The following GLS variants were observed in gnomAD, a reference collection of about 807,000 sequenced individuals.
The protein encoded by GLS is glutaminase.
In GLS, 36 loss-of-function variants were observed where a neutral mutation model predicts 86.7. That is an observed-to-expected ratio of 0.42 (90% CI 0.32 to 0.55). The LOEUF is 0.55. GLS is among the 20% of genes least tolerant of loss of function. The pLI, the probability that GLS is intolerant of heterozygous loss-of-function variation, is 0.17. For synonymous variants in GLS, 317 were observed against 305.9 expected (o/e 1.04, Z -0.38); for missense variants, 528 against 833.4 (o/e 0.63, Z 4.51).
chr2:190,932,888 T>C (rs1167810474), intron 14 of GLS: 4 of 1,444,002 alleles, frequency 2.8e-6, no homozygotes, highest in Non-Finnish European at 3.7e-6. Context: ...TTTCAGAATG[T>C]TTCTTCATTT....
rs562645148 is a variant in GLS at position 190,907,948 on chromosome 2, G to A, written c.980-2315G>A. On this transcript the variant is annotated intron_variant, in intron 6 of 17. Coordinates refer to ENST00000320717, the MANE Select transcript of GLS (RefSeq NM_014905.5). Reference sequence around the variant, plus strand: ...CAAAATGTATGTGCTGATTATATGTGTGGAGGATTGAGAAAAAAGAGGAGT... The same window carrying A: ...CAAAATGTATGTGCTGATTATATGTATGGAGGATTGAGAAAAAAGAGGAGT... Among the ~76,000 whole-genome samples, 31 of 152,296 alleles carry A rather than the reference G, an allele frequency of 2.0e-4. 1 individual carries two copies. The highest frequency in any genetic ancestry group is 3.2e-4 in the Non-Finnish European group (22 of 68,014).
chr2:190,915,920 G>A (rs1303390024), intron 7 of GLS, among the ~76,000 whole-genome samples: 1 of 152,200 alleles, frequency 6.6e-6, no homozygotes, highest in African/African-American at 2.4e-5. Context: ...AGGAGCATTA[G>A]CATAATTTTT....
rs772852565 is a variant in GLS at position 190,953,316 on chromosome 2, T to A, written c.1651-249T>A. Among the ~76,000 whole-genome samples the A allele has an allele frequency of 6.6e-6, 1 of 152,234 alleles. No individual in the cohort carries two copies. The highest frequency in any genetic ancestry group is 1.5e-5 in the Non-Finnish European group (1 of 68,038). ...CAAAATTCCATTCTCTTCTGCCAAG[T>A]GATATTATTCCATTCCTTCCCTTGT... On this transcript the variant is annotated intron_variant, in intron 14 of 17. Coordinates refer to ENST00000320717, the MANE Select transcript of GLS (RefSeq NM_014905.5). This position sits in a 1 kb window ranked among gnomAD's most constrained non-coding sequence, Gnocchi z 4.0.
At position 190,953,561 on chromosome 2, in the gene GLS, A is replaced by C. The variant is rs780143794; in HGVS notation, c.1651-4A>C. On this transcript the variant is annotated splice_region_variant and splice_polypyrimidine_tract_variant and intron_variant, in intron 14 of 17. Coordinates refer to ENST00000320717, the MANE Select transcript of GLS (RefSeq NM_014905.5). The surrounding 1 kb of genome is among the most constrained non-coding windows in gnomAD (Gnocchi z 4.0). ...AGGATGCCTAAACTTTCTTTTCTTC[A>C]CAGGTAAAGTCAGTGATAAATCTTT... The C allele has an allele frequency of 6.9e-6, 11 of 1,603,114 alleles. No homozygotes were observed. In the South Asian group the frequency reaches 1.2e-4, roughly 18 times the overall value.
chr2:190,959,704 G>A (rs1259968262), intron 17 of GLS, among the ~76,000 whole-genome samples: 1 of 152,060 alleles, frequency 6.6e-6, no homozygotes, highest in Non-Finnish European at 1.5e-5. Context: ...TTGCTGGCAG[G>A]GATTCGACAT....
chr2:190,939,250 C>G (rs1015486733), intron 14 of GLS, among the ~76,000 whole-genome samples: 1 of 151,570 alleles, frequency 6.6e-6, no homozygotes, highest in African/African-American at 2.4e-5. Context: ...TTTCATAGTT[C>G]TGGAGTTTTA....
chr2:190,962,033 C>T lies in GLS; in HGVS notation c.1854-797C>T, dbSNP rs1181254326. ...TGTAAAGTGTAAGGGAACTACCCATCGTACCCTGTCATTGACTAGGGCTGT... is the reference window on the plus strand; with the variant it reads ...TGTAAAGTGTAAGGGAACTACCCATTGTACCCTGTCATTGACTAGGGCTGT... On this transcript the variant is annotated intron_variant, in intron 17 of 17. Coordinates refer to ENST00000320717, the MANE Select transcript of GLS (RefSeq NM_014905.5). This position sits in a 1 kb window ranked among gnomAD's most constrained non-coding sequence, Gnocchi z 4.2. 6.6e-6 allele frequency among the ~76,000 whole-genome samples: 1 copy of T among 152,174 alleles called. No homozygotes were observed. The highest frequency in any genetic ancestry group is 1.9e-4 in the East Asian group (1 of 5,196).
chr2:190,907,736 T>C (rs1689210383), intron 6 of GLS, among the ~76,000 whole-genome samples: 1 of 152,224 alleles, frequency 6.6e-6, no homozygotes, highest in Non-Finnish European at 1.5e-5. Flanking sequence ...AAATTATTTA[T>C]ATAGCTTTCC....
intron 17 of GLS, among the ~76,000 whole-genome samples, chr2:190,961,739 AC>A (rs1468111991): frequency 7.6e-6 from 1 of 131,062 alleles, no homozygotes; most frequent in African/African-American, 2.9e-5. Flanking sequence ...AGTTTTACTT[AC>A]CTGATTTTAA....
chr2:190,892,875 A>G (rs1688609792), intron 1 of GLS, among the ~76,000 whole-genome samples: 1 of 152,070 alleles, frequency 6.6e-6, no homozygotes, highest in South Asian at 2.1e-4. Flanking sequence ...GCAAGTAAAC[A>G]TTTGTCTTTT....
In GLS at chr2:190,930,802, C is replaced by T. The variant is rs1047017939; in HGVS notation, c.1557+234C>T. 3.9e-5 allele frequency among the ~76,000 whole-genome samples: 6 copies of T among 152,242 alleles called. No homozygotes were observed. The highest frequency in any genetic ancestry group is 5.9e-5 in the Non-Finnish European group (4 of 67,994). ...TGTTAGATGCTAATATTTTAATTTT[C>T]ATGGTTATAATTAGTATGAATTTTC... On this transcript the variant is annotated intron_variant, in intron 13 of 17. Transcript: ENST00000320717. This position sits in a 1 kb window ranked among gnomAD's most constrained non-coding sequence, Gnocchi z 5.0.
At chr2:190,888,028 ATT>A (rs1688444732) in intron 1 of GLS, among the ~76,000 whole-genome samples, 1 of 152,174 alleles carries the variant, frequency 6.6e-6, no homozygotes, top group Non-Finnish European at 1.5e-5. Flanking sequence ...GAGAACGAGC[ATT>A]GTTTTTCCTG....
intron 12 of GLS, 144 bp downstream of exon 12, chr2:190,927,626 A>G (rs1689942524): frequency 1.7e-6 from 1 of 602,948 alleles, no homozygotes; most frequent in Non-Finnish European, 2.9e-6. Flanking sequence ...TTGTTACAAG[A>G]TTAGTAAGGA....
rs985465692 is a variant in GLS at position 190,921,165 on chromosome 2, G to A, written c.1092G>A (p.Lys364=). ...KFDYVMQFLN[K]MAGNEYVGFS... ...TCTAGGTCATGCAGTTTTTGAATAA[G>A]ATGGCTGGTAATGAATATGTTGGAT... The change falls in exon 9 of 18, where the codon AAG becomes AAA. Residue 364 remains lysine, a synonymous_variant. Transcript: ENST00000320717. The surrounding 1 kb of genome is among the most constrained non-coding windows in gnomAD (Gnocchi z 4.2). 6.2e-7 allele frequency: 1 copy of A among 1,609,448 alleles called. No individual in the cohort carries two copies. The highest frequency in any genetic ancestry group is 2.2e-5 in the East Asian group (1 of 44,680).
chr2:190,918,831 T>A (rs1338168954), intron 7 of GLS, among the ~76,000 whole-genome samples: 1 of 152,140 alleles, frequency 6.6e-6, no homozygotes, highest in African/African-American at 2.4e-5. Context: ...AATATTGTTG[T>A]GTCTCAGGGA....
At chr2:190,884,839 GATGTTAA>G (rs1471097636) in intron 1 of GLS, among the ~76,000 whole-genome samples, 2 of 152,186 alleles carry the variant, frequency 1.3e-5, no homozygotes, top group Non-Finnish European at 1.5e-5. Flanking sequence ...CAGATTGGCA[GATGTTAA>G]ATCAAGTAAT....
Position 190,962,819 on chromosome 2 carries a change from T to C in GLS, c.1854-11T>C, listed in dbSNP as rs370470070. 7.3e-6 allele frequency: 11 copies of C among 1,497,952 alleles called. No homozygotes were observed. In the African/African-American group the frequency reaches 1.4e-4, roughly 19 times the overall value. The allele number at this position is 1,497,952 out of a possible 1,614,324, so 92.8% of individuals were successfully genotyped here. A position where few individuals can be genotyped will look rare whatever the true frequency, so the allele number is the denominator to read the frequency against. ...CCTAATGACCCTGTCCATGCTGTGC[T>C]ACGTGTTTAGGTGGAATAACACTCC... is the stretch of plus-strand genomic sequence containing the variant. On this transcript the variant is annotated splice_polypyrimidine_tract_variant and intron_variant, in intron 17 of 17. Coordinates refer to ENST00000320717, the MANE Select transcript of GLS (RefSeq NM_014905.5). This position sits in a 1 kb window ranked among gnomAD's most constrained non-coding sequence, Gnocchi z 4.2.
chr2:190,907,242 A>AAT (rs1689179120), intron 6 of GLS, among the ~76,000 whole-genome samples: 1 of 111,148 alleles, frequency 9.0e-6, no homozygotes, highest in Non-Finnish European at 2.1e-5. Context: ...TAATAACAGT[A>AAT]GTTTTTTTTT....
At chr2:190,960,965 C>G (rs1453454875) in intron 17 of GLS, among the ~76,000 whole-genome samples, 1 of 152,176 alleles carries the variant, frequency 6.6e-6, no homozygotes, top group East Asian at 1.9e-4. Context: ...GCATTTTCCT[C>G]CTGTGTTTAT....
Sources: gnomAD v4.1 joint callset for allele counts (sites outside exome capture counted in the v4.1 genomes callset) on GRCh38, gnomAD v4.1.1 for gene constraint, Gnocchi (gnomAD v3.1) non-coding constraint, MANE v1.5 for transcripts, NCBI Gene and HGNC (gene_info 2026-07-23, HGNC 2026-07-21) for gene names.